The following NBAS variants were observed in gnomAD, a reference collection of about 807,000 sequenced individuals.
The protein encoded by NBAS is NBAS subunit of NRZ tethering complex, also known as NAG/BC035112 fusion.
A neutral mutation model predicts 302.5 loss-of-function variants in NBAS; 219 were observed. The observed-to-expected ratio is 0.72, with a 90% CI of 0.65 to 0.81. NBAS has a LOEUF of 0.81. Among genes scored for constraint, NBAS ranks in the 30% least tolerant of loss-of-function variants. The pLI is 0.00. For missense variants in NBAS, 2,932 were observed against 2,841.6 expected (o/e 1.03, Z -0.72); for synonymous variants, 1,118 against 1,021.6 (o/e 1.09, Z -1.80).
rs568521540 is a variant in NBAS, at chr2:15,313,498, C to T, written c.4583-4251G>A. On this transcript the variant is annotated intron_variant, in intron 38 of 51. Transcript: ENST00000281513. Reference sequence around the variant, plus strand: ...GACCCAAAATAAAATCGATGTCTTTCTTGATCAGTACCTATCAGGCGATTG... The same window carrying T: ...GACCCAAAATAAAATCGATGTCTTTTTTGATCAGTACCTATCAGGCGATTG... 7.2e-5 allele frequency among the ~76,000 whole-genome samples: 11 copies of T among 152,304 alleles called. No homozygotes were observed. In the South Asian group the frequency reaches 1.9e-3, roughly 26 times the overall value.
chr2:14,792,675 TAA>T, the NBAS span, among the ~76,000 whole-genome samples: 3 of 146,742 alleles, frequency 2.0e-5, no homozygotes, highest in Admixed American at 2.0e-4. Context: ...CTATGGAAAT[TAA>T]AAAAAAAAAT....
chr2:15,315,009 G>A (rs2148180992), intron 38 of NBAS, among the ~76,000 whole-genome samples: 1 of 152,288 alleles, frequency 6.6e-6, no homozygotes, highest in African/African-American at 2.4e-5. Flanking sequence ...TCGGAAGTGT[G>A]GGTTGGGCGT....
the NBAS span, among the ~76,000 whole-genome samples, chr2:14,940,894 C>T: frequency 6.6e-6 from 1 of 152,228 alleles, no homozygotes; most frequent in Non-Finnish European, 1.5e-5. Context: ...AGGCTGCCTC[C>T]CTCACTGTAT....
intron 47 of NBAS, among the ~76,000 whole-genome samples, chr2:15,226,354 T>C (rs1416393690): frequency 6.6e-6 from 1 of 152,236 alleles, no homozygotes; most frequent in African/African-American, 2.4e-5. Context: ...GTTTGACAGA[T>C]ATATGCTTTT....
the NBAS span, among the ~76,000 whole-genome samples, chr2:14,872,882 T>C: frequency 6.6e-6 from 1 of 152,156 alleles, no homozygotes; most frequent in Non-Finnish European, 1.5e-5. Flanking sequence ...GAGTTGTTTG[T>C]TCCTCCCGGT....
At chr2:14,798,848 A>T in the NBAS span, among the ~76,000 whole-genome samples, 1 of 151,988 alleles carries the variant, frequency 6.6e-6, no homozygotes, top group Non-Finnish European at 1.5e-5. Flanking sequence ...GGTTAAATTT[A>T]TTGGCATAAA....
chr2:15,142,589 C>T, the NBAS span, among the ~76,000 whole-genome samples: 3 of 152,230 alleles, frequency 2.0e-5, no homozygotes, highest in Admixed American at 6.5e-5. Context: ...CACCTTCCTG[C>T]ATTAGTCATC....
intron 11 of NBAS, among the ~76,000 whole-genome samples, chr2:15,502,855 CTTTT>C (rs1239776366): frequency 6.6e-6 from 1 of 152,132 alleles, no homozygotes; most frequent in African/African-American, 2.4e-5. Flanking sequence ...CTTACTGTAA[CTTTT>C]TTACTTTATA....
intron 42 of NBAS, among the ~76,000 whole-genome samples, chr2:15,279,132 C>T (rs535684613): frequency 6.6e-6 from 1 of 152,040 alleles, no homozygotes; most frequent in Admixed American, 6.6e-5. Context: ...ACTGTGTAGT[C>T]GCAATAAAAG....
At chr2:15,247,493 C>T (rs971743239) in intron 44 of NBAS, among the ~76,000 whole-genome samples, 3 of 151,614 alleles carry the variant, frequency 2.0e-5, no homozygotes, top group Admixed American at 1.3e-4. Context: ...GGAGACCATT[C>T]AGGCTCAAAA....
At chr2:15,493,827 CTCT>C (rs1480541121) in intron 11 of NBAS, among the ~76,000 whole-genome samples, 3 of 134,780 alleles carry the variant, frequency 2.2e-5, no homozygotes, top group South Asian at 2.3e-4. Context: ...CTGCAATTTT[CTCT>C]TTTTTTTTTT....
intron 48 of NBAS, among the ~76,000 whole-genome samples, chr2:15,206,189 T>G (rs1366768263): frequency 6.6e-6 from 1 of 152,158 alleles, no homozygotes. Flanking sequence ...TATTGGGAAC[T>G]GGAATAAAGG....
chr2:15,316,855 A>G (rs1426603789), intron 38 of NBAS, among the ~76,000 whole-genome samples: 1 of 152,226 alleles, frequency 6.6e-6, no homozygotes, highest in Non-Finnish European at 1.5e-5. Context: ...CCTGTCTGAC[A>G]GCTCTGAAGA....
Position 15,451,997 on chromosome 2 carries a change from TA to T in NBAS, c.2339+9203del, listed in dbSNP as rs754723466. ...ATATCATACCTTGAGAACATTACGC[TA>T]AAAAAAAAAAAAAGTCAATAAATGA... On this transcript the variant is annotated intron_variant, in intron 21 of 51. Coordinates refer to ENST00000281513, the MANE Select transcript of NBAS (RefSeq NM_015909.4). Among the ~76,000 whole-genome samples the T allele has an allele frequency of 7.1e-3, 974 of 136,366 alleles. 1 individual carries two copies. Among genetic ancestry groups the T allele is most frequent in the Middle Eastern group, 7.6e-3 (2 of 264 alleles). The allele number at this position is 136,366 out of a possible 152,430, so 89.5% of individuals were successfully genotyped here.
the NBAS span, among the ~76,000 whole-genome samples, chr2:14,984,601 A>G: frequency 2.0e-5 from 3 of 152,172 alleles, no homozygotes; most frequent in Non-Finnish European, 4.4e-5. Flanking sequence ...ACAACTGCTT[A>G]TATGTCAGAC....
chr2:14,848,066 G>A, the NBAS span, among the ~76,000 whole-genome samples: 1 of 152,142 alleles, frequency 6.6e-6, no homozygotes, highest in Non-Finnish European at 1.5e-5. Context: ...GAAAATTGAG[G>A]GGGAGGAGCC....
intron 51 of NBAS, among the ~76,000 whole-genome samples, chr2:15,174,967 T>C (rs1404241466): frequency 1.3e-5 from 2 of 152,178 alleles, no homozygotes; most frequent in Non-Finnish European, 1.5e-5. Flanking sequence ...CTAAACACTT[T>C]TTATTTTTTA....
chr2:15,179,026 G>A lies in NBAS; in HGVS notation c.6802C>T (p.His2268Tyr). The change falls in exon 51 of 52, where the codon CAC becomes TAC. Residue 2268 changes from histidine to tyrosine, a missense_variant. Coordinates refer to ENST00000281513, the MANE Select transcript of NBAS (RefSeq NM_015909.4). ...LLLESRDEHL[H>Y]EMALEQITAV... is the part of the protein sequence containing the mutation. ...GTGATTTGCTCCAGTGCCATCTCGT[G>A]CAGATGCTCATCTCGGCTCTCGAGG... 1 of 1,614,066 alleles carries A rather than the reference G, an allele frequency of 6.2e-7. No homozygotes were observed. Among genetic ancestry groups the A allele is most frequent in the East Asian group, 2.2e-5 (1 of 44,884 alleles).
chr2:15,206,068 T>C (rs1666128755), intron 48 of NBAS, among the ~76,000 whole-genome samples: 1 of 152,112 alleles, frequency 6.6e-6, no homozygotes, highest in Admixed American at 6.5e-5. Flanking sequence ...AACAGGAAGA[T>C]GTGGGAAGTA....
Sources: allele counts gnomAD v4.1 joint callset (sites outside exome capture counted in the v4.1 genomes callset), GRCh38; gene constraint gnomAD v4.1.1; transcripts MANE v1.5; gene names NCBI Gene and HGNC (gene_info 2026-07-23, HGNC 2026-07-21).